HIPK3: variants seen among roughly 807,000 people sequenced by gnomAD.
HIPK3 encodes homeodomain-interacting protein kinase 3.
Under a neutral mutation model 124.2 loss-of-function variants are expected in HIPK3, and 47 were observed. The observed-to-expected ratio is 0.38, with a 90% CI of 0.30 to 0.48. The LOEUF (loss-of-function observed/expected upper bound fraction) is 0.48, where lower values mean the gene tolerates loss of function less well. Among genes scored for constraint, HIPK3 ranks in the 20% least tolerant of loss-of-function variants. HIPK3 has a pLI of 0.98. For missense variants in HIPK3, 1,286 were observed against 1,454.3 expected, an observed-to-expected ratio of 0.88 and a Z score of 1.88; for synonymous variants, 482 against 515.2, an observed-to-expected ratio of 0.94 and a Z score of 0.87.
chr11:33,304,691 C>T (rs764163098), intron 2 of HIPK3, among the ~76,000 whole-genome samples: 74 of 152,260 alleles, frequency 4.9e-4, no homozygotes, highest in Non-Finnish European at 7.5e-4. Flanking sequence ...TATTATGCTT[C>T]ATTTAACCAG....
chr11:33,347,770 A>G lies in HIPK3; in HGVS notation c.2144+17A>G. The G allele has an allele frequency of 6.2e-7, 1 of 1,613,234 alleles. No homozygotes were observed. Among genetic ancestry groups the G allele is most frequent in the East Asian group, 2.2e-5 (1 of 44,846 alleles). ...AGACTGGGGGTAAGCTGAAAACAAA[A>G]GTACTTTGTGAATAGTTTGCAGACT... is the stretch of plus-strand genomic sequence containing the variant. On this transcript the variant is annotated intron_variant, in intron 10 of 16. Transcript: ENST00000303296.
intron 2 of HIPK3, among the ~76,000 whole-genome samples, chr11:33,306,517 C>T (rs1302645259): frequency 6.6e-6 from 1 of 151,964 alleles, no homozygotes; most frequent in Non-Finnish European, 1.5e-5. Context: ...ATACTTATGT[C>T]TGATAGTCCT....
At position 33,310,281 on chromosome 11, in the gene HIPK3, TTATCTATC is replaced by T. The variant is rs61094230; in HGVS notation, c.1098-18210_1098-18203del. 1.5e-4 allele frequency among the ~76,000 whole-genome samples: 18 copies of T among 121,150 alleles called. 1 individual carries two copies. The highest frequency in any genetic ancestry group is 4.7e-4 in the African/African-American group (15 of 32,236). 79.5% of individuals were successfully genotyped at this position (121,150 alleles called of 152,430 possible). On this transcript the variant is annotated intron_variant, in intron 2 of 16. Transcript: ENST00000303296. ...CTGTCTGTCTGTCTGTCTGTCTATC[TTATCTATC>T]TATCTATCTATCTATCTAATCTATC...
intron 8 of HIPK3, among the ~76,000 whole-genome samples, chr11:33,345,042 A>C (rs1309872265): frequency 1.3e-5 from 2 of 152,126 alleles, no homozygotes; most frequent in African/African-American, 4.8e-5. Context: ...TATCCCTTTG[A>C]CTTAAAAATT....
rs201864393 is a variant in HIPK3 at position 33,343,194 on chromosome 11, A to G, written c.1897+1508A>G. Reference sequence around the variant, plus strand: ...GAAGGAAATAGCCTGAATAGATAATATATTGGCCATTTCTAACTCTAATAT... The same window carrying G: ...GAAGGAAATAGCCTGAATAGATAATGTATTGGCCATTTCTAACTCTAATAT... On this transcript the variant is annotated intron_variant, in intron 8 of 16. Transcript: ENST00000303296. Among the ~76,000 whole-genome samples, 24 of 151,778 alleles carry G rather than the reference A, an allele frequency of 1.6e-4. No homozygotes were observed. In the East Asian group the frequency reaches 4.1e-3, roughly 26 times the overall value.
chr11:33,294,076 C>CCTCAG, intron 2 of HIPK3, among the ~76,000 whole-genome samples: 1 of 151,646 alleles, frequency 6.6e-6, no homozygotes, highest in Admixed American at 6.6e-5. Context: ...ATCGTTTGAA[C>CCTCAG]CCGGGAGGCG....
intron 14 of HIPK3, 71 bp from the exon 15 acceptor site, chr11:33,351,537 T>C: frequency 2.9e-6 from 3 of 1,033,796 alleles, no homozygotes; most frequent in Non-Finnish European, 4.5e-6. Flanking sequence ...CACTGGAGCC[T>C]GAATATTACT....
chr11:33,286,542 C>T lies in HIPK3; in HGVS notation c.128C>T (p.Thr43Ile), dbSNP rs1312887666. Residue 43 changes from threonine (T) to isoleucine (I), a missense_variant, in exon 2 of 17, where the codon ACC (threonine) becomes ATC (isoleucine). Thr to Ile is a moderately conservative substitution (Grantham distance 89). Transcript: ENST00000303296. ...CVFQERNYPR[T>I]YVNGRNFGNS... ...TTCCAGGAAAGAAACTATCCACGGA[C>T]CTATGTGAATGGTAGAAACTTTGGA... The T allele has an allele frequency of 5.6e-6, 9 of 1,613,904 alleles. No individual in the cohort carries two copies. In the African/African-American group the frequency reaches 9.3e-5, roughly 17 times the overall value.
chr11:33,314,069 G>T (rs947151392), intron 2 of HIPK3, among the ~76,000 whole-genome samples: 8 of 152,184 alleles, frequency 5.3e-5, no homozygotes, highest in African/African-American at 1.9e-4. Flanking sequence ...CAGTCCTCCT[G>T]CCATGGACTC....
rs1400134284 is a variant in HIPK3, at chr11:33,356,746, T to G, written c.*3178T>G. Reference sequence around the variant, plus strand: ...TGGCTTTCTTTCTTTGGTTTATTTGTTTTTGCTTTTACTCCTATGCTACAC... The same window carrying G: ...TGGCTTTCTTTCTTTGGTTTATTTGGTTTTGCTTTTACTCCTATGCTACAC... On this transcript the variant is annotated 3_prime_UTR_variant, in exon 17 of 17. Coordinates refer to ENST00000303296, the MANE Select transcript of HIPK3 (RefSeq NM_005734.5). 6.6e-6 allele frequency: 1 copy of G among 152,132 alleles called. No homozygotes were observed. The highest frequency in any genetic ancestry group is 1.5e-5 in the Non-Finnish European group (1 of 67,956). The allele number at this position is 152,132 out of a possible 1,614,324, so 9.4% of individuals were successfully genotyped here.
intron 2 of HIPK3, among the ~76,000 whole-genome samples, chr11:33,324,009 A>G (rs754015089): frequency 6.6e-6 from 1 of 152,236 alleles, no homozygotes; most frequent in Non-Finnish European, 1.5e-5. Flanking sequence ...CCACATACAC[A>G]TGCCCAGAGG....
At chr11:33,265,503 G>A (rs547546244) in intron 1 of HIPK3, among the ~76,000 whole-genome samples, 1 of 152,296 alleles carries the variant, frequency 6.6e-6, no homozygotes, top group South Asian at 2.1e-4. Context: ...GCCAGGCACG[G>A]TGGCTCATGC....
chr11:33,323,617 A>T (rs763597082), intron 2 of HIPK3, among the ~76,000 whole-genome samples: 3 of 152,230 alleles, frequency 2.0e-5, no homozygotes, highest in Non-Finnish European at 2.9e-5. Flanking sequence ...TGGCCTAATG[A>T]TGGAGAAGTT....
intron 1 of HIPK3, among the ~76,000 whole-genome samples, chr11:33,268,095 C>T (rs1488784390): frequency 6.6e-6 from 1 of 151,982 alleles, no homozygotes; most frequent in African/African-American, 2.4e-5. Context: ...CCTGTAATCT[C>T]AGCTGCTCCG....
At chr11:33,279,347 A>G (rs80025660) in intron 1 of HIPK3, among the ~76,000 whole-genome samples, 29 of 148,102 alleles carry the variant, frequency 2.0e-4, no homozygotes, top group African/African-American at 4.7e-4. Flanking sequence ...AAAAAAAAAA[A>G]AGAGAAGAAG....
intron 1 of HIPK3, among the ~76,000 whole-genome samples, chr11:33,281,533 G>A (rs1238991341): frequency 6.6e-6 from 1 of 152,128 alleles, no homozygotes; most frequent in African/African-American, 2.4e-5. Flanking sequence ...GGTGATACAT[G>A]TATGTAGTAA....
intron 2 of HIPK3, among the ~76,000 whole-genome samples, chr11:33,302,334 CCTTA>C (rs1244323330): frequency 3.3e-5 from 2 of 60,404 alleles, no homozygotes; most frequent in African/African-American, 5.1e-5. Flanking sequence ...TATGATAATT[CCTTA>C]CTTCTTTTTT....
chr11:33,347,246 T>G, intron 8 of HIPK3, 47 bp from the exon 9 acceptor site: 2 of 1,542,746 alleles, frequency 1.3e-6, no homozygotes, highest in Non-Finnish European at 1.8e-6. Flanking sequence ...ATAAGTTAAA[T>G]AAGAGGAAGA....
At chr11:33,349,319 A>ATAG in intron 14 of HIPK3, 32 bp downstream of exon 14, 1 of 1,560,270 alleles carries the variant, frequency 6.4e-7, no homozygotes, top group Non-Finnish European at 8.7e-7. Context: ...TGTGTAATAA[A>ATAG]TAGTAAGTCT....
Sources: gnomAD v4.1 joint callset for allele counts (sites outside exome capture counted in the v4.1 genomes callset) on GRCh38, gnomAD v4.1.1 for gene constraint, MANE v1.5 for transcripts, NCBI Gene and HGNC (gene_info 2026-07-23, HGNC 2026-07-21) for gene names.